Variants in PABPC1 observed in about 807,000 individuals in gnomAD.
The protein encoded by PABPC1 is poly(A) binding protein cytoplasmic 1.
Under a neutral mutation model 74.0 loss-of-function variants are expected in PABPC1, and 4 were observed. The observed-to-expected ratio is 0.05, with a 90% CI of 0.03 to 0.12. The LOEUF (loss-of-function observed/expected upper bound fraction) is 0.12. PABPC1 is among the 10% of genes least tolerant of loss of function. The pLI is 1.00. For missense variants in PABPC1, 271 were observed against 821.1 expected, an observed-to-expected ratio of 0.33 and a Z score of 8.19; for synonymous variants, 227 against 264.1, an observed-to-expected ratio of 0.86 and a Z score of 1.36.
intron 5 of PABPC1, 33 bp from the exon 6 acceptor site, chr8:100,712,822 C>G (rs1384128740): frequency 8.2e-7 from 1 of 1,223,910 alleles, no homozygotes; most frequent in Non-Finnish European, 1.1e-6. Flanking sequence ...AAAAAAAAAT[C>G]ACAAAACTTT....
intron 8 of PABPC1, 41 bp downstream of exon 8, chr8:100,709,418 T>G: frequency 1.9e-6 from 3 of 1,609,194 alleles, no homozygotes; most frequent in Non-Finnish European, 2.6e-6. Context: ...AATGACCAAA[T>G]ACGAAAACCT....
Position 100,721,365 on chromosome 8 carries a change from G to T in PABPC1, c.193+26C>A. The T allele has an allele frequency of 7.2e-7, 1 of 1,384,682 alleles. No individual in the cohort carries two copies. The highest frequency in any genetic ancestry group is 1.6e-5 in the South Asian group (1 of 61,246). 85.8% of individuals were successfully genotyped at this position (1,384,682 alleles called of 1,614,324 possible). A position where few individuals can be genotyped will look rare whatever the true frequency, so the allele number is the denominator to read the frequency against. The stretch of plus-strand genomic sequence containing the variant: ...GAGCCTCATGGCCGCCCGCCCGCCC[G>T]GCCGACCGCGGAGCCCGGCGCTCAC... On this transcript the variant is annotated intron_variant, in intron 1 of 14. Coordinates refer to ENST00000318607, the MANE Select transcript of PABPC1 (RefSeq NM_002568.4). This position sits in a 1 kb window ranked among gnomAD's most constrained non-coding sequence, Gnocchi z 7.4.
At chr8:100,704,539 A>G in intron 13 of PABPC1, 149 bp from the exon 14 acceptor site, 1 of 708,126 alleles carries the variant, frequency 1.4e-6, no homozygotes, top group South Asian at 1.8e-5. Flanking sequence ...TATCCATTCA[A>G]TTTTGAGTTC....
At chr8:100,708,816 TGCAGTGA>T (rs1415310522) in intron 9 of PABPC1, among the ~76,000 whole-genome samples, 1 of 151,904 alleles carries the variant, frequency 6.6e-6, no homozygotes, top group Non-Finnish European at 1.5e-5. Context: ...AGGTGGAGGT[TGCAGTGA>T]GCCGAAACTG....
chr8:100,704,146 G>C lies in PABPC1; in HGVS notation c.*1+151C>G, dbSNP rs28708714. 6.9e-3 allele frequency: 4,195 copies of C among 606,686 alleles called. 131 individuals are homozygous for C. Among genetic ancestry groups the C allele is most frequent in the African/African-American group, 0.067 (3,630 of 53,812 alleles). 37.6% of individuals were successfully genotyped at this position (606,686 alleles called of 1,614,324 possible). A position where few individuals can be genotyped will look rare whatever the true frequency, so the allele number is the denominator to read the frequency against. On this transcript the variant is annotated intron_variant, in intron 14 of 14. Transcript: ENST00000318607. ...GTAAAATTCCTTTAATTCCTCTATA[G>C]TTAGTTCCACTTTTCCTTGAAAAAT...
chr8:100,706,891 A>G lies in PABPC1; in HGVS notation c.1443T>C (p.Arg481=). The G allele has an allele frequency of 6.2e-7, 1 of 1,612,790 alleles. No individual in the cohort carries two copies. Among genetic ancestry groups the G allele is most frequent in the Non-Finnish European group, 8.5e-7 (1 of 1,179,212 alleles). ...AAAGGAAGGATTAAGACTCACCAACACGCTGTGTTGACATGACTCGTGGAA... is the reference window on the plus strand; with the variant it reads ...AAAGGAAGGATTAAGACTCACCAACGCGCTGTGTTGACATGACTCGTGGAA... ...SQVPRVMSTQ[R]VANTSTQTMG... is the part of the protein sequence containing the mutation. The change falls in exon 10 of 15, where the codon CGT becomes CGC. Residue 481 remains arginine (R), a synonymous_variant. Transcript: ENST00000318607.
At chr8:100,713,921 C>CA (rs1810596026) in intron 4 of PABPC1, among the ~76,000 whole-genome samples, 1 of 91,760 alleles carries the variant, frequency 1.1e-5, no homozygotes, top group Non-Finnish European at 1.9e-5. Flanking sequence ...ATTTGAAAGA[C>CA]AGGGAAAAAA....
rs60596898 is a variant in PABPC1 at position 100,712,808 on chromosome 8, GAAA to G, written c.739-22_739-20del. On this transcript the variant is annotated intron_variant, in intron 5 of 14. Transcript: ENST00000318607. ...CCACAGCCTTCCCCCCAAAAAAAAA[GAAA>G]AAAAAAAAATCACAAAACTTTCAAC... The G allele has an allele frequency of 7.3e-7, 1 of 1,368,432 alleles. No individual in the cohort carries two copies. The highest frequency in any genetic ancestry group is 2.6e-5 in the Admixed American group (1 of 37,798). The allele number at this position is 1,368,432 out of a possible 1,614,324, so 84.8% of individuals were successfully genotyped here.
At position 100,721,664 on chromosome 8, in the gene PABPC1, A is replaced by G. The variant is rs1810836331; in HGVS notation, c.-81T>C. The G allele has an allele frequency of 2.3e-6, 2 of 856,392 alleles. No individual in the cohort carries two copies. The highest frequency in any genetic ancestry group is 8.9e-5 in the East Asian group (2 of 22,554). 53.0% of individuals were successfully genotyped at this position (856,392 alleles called of 1,614,324 possible). ...AGCGAGTGCCGGGGCTGGGGGCCGG[A>G]GCCGGGGGGAGGGGAGCGGGGAGCA... On this transcript the variant is annotated 5_prime_UTR_variant, in exon 1 of 15. Transcript: ENST00000318607. The surrounding 1 kb of genome is among the most constrained non-coding windows in gnomAD (Gnocchi z 7.4).
At chr8:100,713,215 C>A in intron 4 of PABPC1, 34 bp from the exon 5 acceptor site, 2 of 1,257,826 alleles carry the variant, frequency 1.6e-6, no homozygotes. Context: ...CAAAGATATT[C>A]CATACAACAT....
intron 7 of PABPC1, 60 bp from the exon 8 acceptor site, chr8:100,709,791 C>T (rs992579573): frequency 7.1e-5 from 104 of 1,470,720 alleles, no homozygotes; most frequent in South Asian, 1.5e-4. Flanking sequence ...AAAAAAAGAG[C>T]GTTACAATTT....
rs201970914 is a variant in PABPC1 at position 100,709,201 on chromosome 8, T to C, written c.1268A>G (p.Tyr423Cys). The C allele has an allele frequency of 2.6e-6, 4 of 1,563,454 alleles. No homozygotes were observed. The highest frequency in any genetic ancestry group is 1.2e-5 in the South Asian group (1 of 86,556). Residue 423 changes from tyrosine (Y) to cysteine (C), a missense_variant, in exon 9 of 15, where the codon TAT (tyrosine) becomes TGT (cysteine). Around this residue, in one of 7 missense-constraint regions of PABPC1, gnomAD observed 103 missense variants for 245.3 expected, o/e 0.42. Transcript: ENST00000318607. ...TAGTTGAGCAATTTGGCTAGGAGGA[T>C]AGTATGCAGCACGGTTCTGAGTCTG... ...IPQTQNRAAYYPPSQIAQLRP... is the reference protein window; with the variant it reads ...IPQTQNRAAYCPPSQIAQLRP...
rs1383421117 is a variant in PABPC1 at position 100,704,801 on chromosome 8, T to C, written c.1818+125A>G. ...GGATAAATAGCGCCACAGGTTATTA[T>C]GCAGACTTTACAACTGTACATGGCT... is the stretch of plus-strand genomic sequence containing the variant. On this transcript the variant is annotated intron_variant, in intron 13 of 14. Transcript: ENST00000318607. The C allele has an allele frequency of 8.4e-6, 8 of 952,988 alleles. No individual in the cohort carries two copies. The South Asian group carries it at 9.8e-5, about 12-fold the overall frequency. 59.0% of individuals were successfully genotyped at this position (952,988 alleles called of 1,614,324 possible).
At chr8:100,713,582 T>C (rs1483459823) in intron 4 of PABPC1, among the ~76,000 whole-genome samples, 3 of 152,200 alleles carry the variant, frequency 2.0e-5, no homozygotes, top group African/African-American at 7.2e-5. Flanking sequence ...ACTCAACTCC[T>C]GGGCTCAAGT....
rs541981529 is a variant in PABPC1 at position 100,721,175 on chromosome 8, G to C, written c.193+216C>G. Reference sequence around the variant, plus strand: ...CTGAGGCCGAGAAAATGGTCGCAAAGGAGGAAGTAGCCGGGCGTGTGGCTG... The same window carrying C: ...CTGAGGCCGAGAAAATGGTCGCAAACGAGGAAGTAGCCGGGCGTGTGGCTG... On this transcript the variant is annotated intron_variant, in intron 1 of 14. Coordinates refer to ENST00000318607, the MANE Select transcript of PABPC1 (RefSeq NM_002568.4). This position sits in a 1 kb window ranked among gnomAD's most constrained non-coding sequence, Gnocchi z 7.4. 1.9e-4 allele frequency among the ~76,000 whole-genome samples: 29 copies of C among 152,200 alleles called. No homozygotes were observed. The highest frequency in any genetic ancestry group is 6.3e-4 in the African/African-American group (26 of 41,564).
Position 100,721,681 on chromosome 8 carries a change from C to T in PABPC1, c.-98G>A, listed in dbSNP as rs1221471193. 1.9e-5 allele frequency: 17 copies of T among 918,402 alleles called. No individual in the cohort carries two copies. The Admixed American group carries it at 2.9e-4, about 16-fold the overall frequency. The allele number at this position is 918,402 out of a possible 1,614,324, so 56.9% of individuals were successfully genotyped here. A position where few individuals can be genotyped will look rare whatever the true frequency, so the allele number is the denominator to read the frequency against. On this transcript the variant is annotated 5_prime_UTR_variant, in exon 1 of 15. Transcript: ENST00000318607. This position sits in a 1 kb window ranked among gnomAD's most constrained non-coding sequence, Gnocchi z 7.4. Reference sequence around the variant, plus strand: ...GGGGCCGGAGCCGGGGGGAGGGGAGCGGGGAGCAAGCGCAGAGGGACAAAA... The same window carrying T: ...GGGGCCGGAGCCGGGGGGAGGGGAGTGGGGAGCAAGCGCAGAGGGACAAAA...
intron 1 of PABPC1, among the ~76,000 whole-genome samples, chr8:100,720,625 G>A (rs1429112241): frequency 6.6e-6 from 1 of 152,178 alleles, no homozygotes; most frequent in African/African-American, 2.4e-5. Flanking sequence ...GACTAAAAAT[G>A]GTCTAAGTTG....
At chr8:100,717,271 G>C (rs1471495300) in intron 3 of PABPC1, among the ~76,000 whole-genome samples, 1 of 152,150 alleles carries the variant, frequency 6.6e-6, no homozygotes, top group East Asian at 1.9e-4. Flanking sequence ...GCCTCCCAAA[G>C]TGCTGGGATT....
chr8:100,707,307 G>A, intron 9 of PABPC1: 2 of 275,228 alleles, frequency 7.3e-6, no homozygotes, highest in Admixed American at 5.1e-5. Context: ...AAAAAAGACA[G>A]CTGGGCACGG....
Sources: gnomAD v4.1 joint callset for allele counts (sites outside exome capture counted in the v4.1 genomes callset) on GRCh38, gnomAD v4.1.1 for gene constraint, gnomAD v4.1.1 regional missense constraint, Gnocchi (gnomAD v3.1) non-coding constraint, MANE v1.5 for transcripts, NCBI Gene and HGNC (gene_info 2026-07-23, HGNC 2026-07-21) for gene names.